The following SULT2B1 variants were observed in gnomAD, a reference collection of about 807,000 sequenced individuals.
SULT2B1 encodes the protein sulfotransferase 2B1.
SULT2B1 carries 16 observed loss-of-function variants against 33.2 expected under a neutral mutation model. That is an observed-to-expected ratio of 0.48 (90% CI 0.33 to 0.73). The LOEUF is 0.73. Among genes scored for constraint, SULT2B1 ranks in the 30% least tolerant of loss-of-function variants. The pLI is 0.02. For synonymous variants in SULT2B1, 186 were observed against 200.5 expected (o/e 0.93, Z 0.61); for missense variants, 500 against 506.0 (o/e 0.99, Z 0.11).
chr19:48,572,436 C>T (rs1369676459), intron 1 of SULT2B1, among the ~76,000 whole-genome samples: 4 of 151,842 alleles, frequency 2.6e-5, no homozygotes, highest in African/African-American at 7.3e-5. Flanking sequence ...TAGCTTGAAC[C>T]CAGGAAGGCG....
intron 1 of SULT2B1, among the ~76,000 whole-genome samples, chr19:48,570,080 G>C (rs1310090342): frequency 1.3e-5 from 2 of 152,162 alleles, no homozygotes; most frequent in Non-Finnish European, 1.5e-5. Flanking sequence ...CAGTCACAGA[G>C]ATGGAATTAC....
At chr19:48,557,214 AGTTT>A (rs1973110676) in intron 1 of SULT2B1, among the ~76,000 whole-genome samples, 1 of 151,992 alleles carries the variant, frequency 6.6e-6, no homozygotes, top group South Asian at 2.1e-4. Context: ...AGAATGTTCT[AGTTT>A]ATGGGGTTCA....
intron 2 of SULT2B1, among the ~76,000 whole-genome samples, chr19:48,576,359 CT>C (rs1188887401): frequency 4.0e-4 from 39 of 96,710 alleles, no homozygotes; most frequent in South Asian, 2.7e-3. Context: ...CTCTACTTCT[CT>C]TTTTTTTTTT....
intron 2 of SULT2B1, among the ~76,000 whole-genome samples, chr19:48,578,602 C>A (rs1973444214): frequency 6.6e-6 from 1 of 151,766 alleles, no homozygotes; most frequent in Admixed American, 6.6e-5. Context: ...GTGGGCCAGG[C>A]ACGGTGGCTC....
intron 1 of SULT2B1, among the ~76,000 whole-genome samples, chr19:48,567,192 C>T (rs1190278561): frequency 2.0e-5 from 3 of 152,112 alleles, no homozygotes; most frequent in African/African-American, 7.2e-5. Context: ...ATATATTTCA[C>T]TGCGCGCTTC....
At chr19:48,570,490 A>C (rs1195019603) in intron 1 of SULT2B1, among the ~76,000 whole-genome samples, 2 of 151,252 alleles carry the variant, frequency 1.3e-5, no homozygotes, top group Non-Finnish European at 3.0e-5. Context: ...GTTCTTTTTC[A>C]TCGCTGAGTA....
At chr19:48,569,356 A>C (rs143828960) in intron 1 of SULT2B1, among the ~76,000 whole-genome samples, 3 of 93,150 alleles carry the variant, frequency 3.2e-5, no homozygotes, top group Non-Finnish European at 4.8e-5. Flanking sequence ...AAAAAAAAAA[A>C]AAAAAACATA....
chr19:48,562,938 C>A (rs981311816), intron 1 of SULT2B1, among the ~76,000 whole-genome samples: 10 of 152,040 alleles, frequency 6.6e-5, no homozygotes, highest in African/African-American at 2.4e-4. Flanking sequence ...CCTTGGCCTC[C>A]CAAAGTGCTG....
chr19:48,552,463 T>G lies in SULT2B1; in HGVS notation c.71+140T>G. On this transcript the variant is annotated intron_variant, in intron 1 of 6. Transcript: ENST00000201586. This position sits in a 1 kb window ranked among gnomAD's most constrained non-coding sequence, Gnocchi z 4.8. The stretch of plus-strand genomic sequence containing the variant: ...CCAGACTTAGCTGGAGGGGCTGGGC[T>G]GGGCTGGGGCATCCAGTGTGGTGTA... 1 of 835,298 alleles carries G rather than the reference T, an allele frequency of 1.2e-6. No homozygotes were observed. 51.7% of individuals were successfully genotyped at this position (835,298 alleles called of 1,614,324 possible).
intron 6 of SULT2B1, among the ~76,000 whole-genome samples, chr19:48,597,840 T>TA (rs1382920173): frequency 6.6e-6 from 1 of 151,434 alleles, no homozygotes; most frequent in Non-Finnish European, 1.5e-5. Context: ...AGACAGGTTT[T>TA]CACCGTGTTA....
intron 5 of SULT2B1, among the ~76,000 whole-genome samples, chr19:48,593,637 AATTT>A (rs946576186): frequency 4.6e-5 from 7 of 151,548 alleles, no homozygotes; most frequent in Non-Finnish European, 7.4e-5. Context: ...TTATTTAATT[AATTT>A]ATTTATTTTT....
intron 1 of SULT2B1, among the ~76,000 whole-genome samples, chr19:48,556,446 T>C (rs1422231997): frequency 6.7e-6 from 1 of 149,208 alleles, no homozygotes; most frequent in East Asian, 2.0e-4. Context: ...GGGCAGGGAG[T>C]GCTGGGAAAG....
At chr19:48,597,018 C>T in intron 6 of SULT2B1, 99 bp downstream of exon 6, 1 of 1,277,416 alleles carries the variant, frequency 7.8e-7, no homozygotes, top group Non-Finnish European at 1.1e-6. Flanking sequence ...TCTCACCCAG[C>T]TGTAACATTG....
chr19:48,553,654 C>T (rs1339372939), intron 1 of SULT2B1, among the ~76,000 whole-genome samples: 3 of 152,148 alleles, frequency 2.0e-5, no homozygotes, highest in Non-Finnish European at 4.4e-5. Flanking sequence ...CCCTCCCCTC[C>T]CTCAGCCAGA....
rs769209838 is a variant in SULT2B1 at position 48,552,296 on chromosome 19, C to A, written c.44C>A (p.Thr15Asn). 1 of 1,614,042 alleles carries A rather than the reference C, an allele frequency of 6.2e-7. No homozygotes were observed. Among genetic ancestry groups the A allele is most frequent in the Non-Finnish European group, 8.5e-7 (1 of 1,179,952 alleles). Reference protein sequence around the residue: ...AEPQIPGLWDTYEDDISEISQ... With the variant: ...AEPQIPGLWDNYEDDISEISQ... ...CCCCAGATCCCGGGCTTGTGGGACA[C>A]CTATGAAGATGACATCTCGGAAATC... The change falls in exon 1 of 7, where the codon ACC (threonine) becomes AAC (asparagine). Residue 15 changes from threonine (T) to asparagine (N), a missense_variant. Transcript: ENST00000201586. The surrounding 1 kb of genome is among the most constrained non-coding windows in gnomAD (Gnocchi z 4.8).
rs74845313 is a variant in SULT2B1 at position 48,552,564 on chromosome 19, G to C, written c.71+241G>C. On this transcript the variant is annotated intron_variant, in intron 1 of 6. Coordinates refer to ENST00000201586, the MANE Select transcript of SULT2B1 (RefSeq NM_177973.2). This position sits in a 1 kb window ranked among gnomAD's most constrained non-coding sequence, Gnocchi z 4.8. Reference sequence around the variant, plus strand: ...TGGGGATGCCTGGGGTGTCCCTGTCGCTCTCCGGGCCTCAGTTTTTCTGTC... The same window carrying C: ...TGGGGATGCCTGGGGTGTCCCTGTCCCTCTCCGGGCCTCAGTTTTTCTGTC... 0.012 allele frequency among the ~76,000 whole-genome samples: 1,829 copies of C among 152,244 alleles called. 35 individuals are homozygous for C. The highest frequency in any genetic ancestry group is 0.041 in the African/African-American group (1,713 of 41,534).
chr19:48,564,274 T>C lies in SULT2B1; in HGVS notation c.72-11667T>C, dbSNP rs1211513524. Among the ~76,000 whole-genome samples the C allele has an allele frequency of 3.4e-5, 5 of 145,112 alleles. No individual in the cohort carries two copies. In the South Asian group the frequency reaches 1.1e-3, roughly 31 times the overall value. On this transcript the variant is annotated intron_variant, in intron 1 of 6. Coordinates refer to ENST00000201586, the MANE Select transcript of SULT2B1 (RefSeq NM_177973.2). ...AATAAAAATAACAATAAAAAATAGG[T>C]CGGGTGCAGTGGCTCACGCCTGAAA...
chr19:48,581,157 C>T (rs1464523095), intron 2 of SULT2B1, among the ~76,000 whole-genome samples: 1 of 149,714 alleles, frequency 6.7e-6, no homozygotes, highest in Admixed American at 6.8e-5. Flanking sequence ...CTGCCTCAGC[C>T]TCCCTAGTAG....
chr19:48,593,997 G>A (rs10411546), intron 5 of SULT2B1, among the ~76,000 whole-genome samples: 12,434 of 151,726 alleles, frequency 0.082, 1,077 homozygotes, highest in East Asian at 0.23. Flanking sequence ...GGTGGCTCAC[G>A]CCTGTAATCC....
Sources: allele counts gnomAD v4.1 joint callset (sites outside exome capture counted in the v4.1 genomes callset), GRCh38; gene constraint gnomAD v4.1.1; non-coding constraint Gnocchi (gnomAD v3.1); transcripts MANE v1.5; gene names NCBI Gene and HGNC (gene_info 2026-07-23, HGNC 2026-07-21).